The following MAP3K14 variants were observed in gnomAD, a reference collection of about 807,000 sequenced individuals.
The protein encoded by MAP3K14 is mitogen-activated protein kinase kinase kinase 14.
MAP3K14 carries 16 observed loss-of-function variants against 99.2 expected under a neutral mutation model. The ratio of observed to expected loss-of-function variants is 0.16; its 90% CI spans 0.11 to 0.24. MAP3K14 has a LOEUF of 0.24. Among genes scored for constraint, MAP3K14 ranks in the 10% least tolerant of loss-of-function variants. The pLI is 1.00. For synonymous variants in MAP3K14, 462 were observed against 492.4 expected (o/e 0.94, Z 0.82); for missense variants, 784 against 1,208.7 (o/e 0.65, Z 5.21).
At chr17:45,300,602 C>T (rs1029142086) in intron 1 of MAP3K14, among the ~76,000 whole-genome samples, 2 of 152,168 alleles carry the variant, frequency 1.3e-5, no homozygotes, top group Admixed American at 6.5e-5. Context: ...AAGGCTCAGC[C>T]TCTACCCAGG....
In MAP3K14 at chr17:45,271,078, G is replaced by A; in HGVS notation, c.1801C>T (p.Arg601Ter). Reference sequence around the variant, plus strand: ...CCGACCTTGAGGCAGAGCGGCCCTCGGAAGAACTGAGTCCAGGGGTGGCAG... The same window carrying A: ...CCGACCTTGAGGCAGAGCGGCCCTCAGAAGAACTGAGTCCAGGGGTGGCAG... ...NGCHPWTQFFRGPLCLKIASE... is the reference protein window; with the variant it reads ...NGCHPWTQFF The change falls in exon 10 of 16, where the codon CGA (arginine) becomes TGA (stop). Residue 601 changes from arginine to a stop codon, truncating the protein, a stop_gained. Coordinates refer to ENST00000344686, the MANE Select transcript of MAP3K14 (RefSeq NM_003954.5). LOFTEE classifies it high-confidence loss of function. The A allele has an allele frequency of 6.2e-7, 1 of 1,613,064 alleles. No homozygotes were observed. Among genetic ancestry groups the A allele is most frequent in the Non-Finnish European group, 8.5e-7 (1 of 1,179,748 alleles).
rs539846304 is a variant in MAP3K14, at chr17:45,272,240, C to T, written c.1658-1019G>A. Among the ~76,000 whole-genome samples the T allele has an allele frequency of 3.9e-5, 6 of 152,038 alleles. No individual in the cohort carries two copies. Among genetic ancestry groups the T allele is most frequent in the East Asian group, 3.9e-4 (2 of 5,152 alleles). ...ACTCAGGAGGCTGAGGTGGGAGGAT[C>T]GCTTGAACCAAGGAGCTTGAGGCTG... On this transcript the variant is annotated intron_variant, in intron 9 of 15. Transcript: ENST00000344686. This position sits in a 1 kb window ranked among gnomAD's most constrained non-coding sequence, Gnocchi z 4.1.
Position 45,267,941 on chromosome 17 carries a change from C to T in MAP3K14, c.1973-182G>A. The T allele has an allele frequency of 3.6e-6, 2 of 555,912 alleles. No homozygotes were observed. The highest frequency in any genetic ancestry group is 3.1e-6 in the Non-Finnish European group (1 of 320,600). The allele number at this position is 555,912 out of a possible 1,614,324, so 34.4% of individuals were successfully genotyped here. A position where few individuals can be genotyped will look rare whatever the true frequency, so the allele number is the denominator to read the frequency against. The stretch of plus-strand genomic sequence containing the variant: ...TGGTGGTCTCCACAGGAGACTTCCT[C>T]AATAAAATGGTCCCAATATGACAGG... On this transcript the variant is annotated intron_variant, in intron 11 of 15. Transcript: ENST00000344686. The surrounding 1 kb of genome is among the most constrained non-coding windows in gnomAD (Gnocchi z 5.1).
chr17:45,286,885 A>C lies in MAP3K14; in HGVS notation c.698T>G (p.Leu233Trp). 2.5e-6 allele frequency: 4 copies of C among 1,614,026 alleles called. No individual in the cohort carries two copies. Among genetic ancestry groups the C allele is most frequent in the Non-Finnish European group, 3.4e-6 (4 of 1,179,890 alleles). Residue 233 changes from leucine (L) to tryptophan (W), a missense_variant, in exon 5 of 16, where the codon TTG becomes TGG. Around this residue, in one of 5 missense-constraint regions of MAP3K14, gnomAD observed 188 missense variants for 313.0 expected, o/e 0.60. Coordinates refer to ENST00000344686, the MANE Select transcript of MAP3K14 (RefSeq NM_003954.5). This position sits in a 1 kb window ranked among gnomAD's most constrained non-coding sequence, Gnocchi z 4.1. ...TTTCCACACGTGGTTCAGACATTGC[A>C]AGGGGCTGATCAGTTTGTGGAGTTC... ...RSELHKLISP[L>W]QCLNHVWKLH...
chr17:45,267,207 A>G lies in MAP3K14; in HGVS notation c.2327-9T>C. On this transcript the variant is annotated splice_polypyrimidine_tract_variant and intron_variant, in intron 12 of 15. Coordinates refer to ENST00000344686, the MANE Select transcript of MAP3K14 (RefSeq NM_003954.5). The surrounding 1 kb of genome is among the most constrained non-coding windows in gnomAD (Gnocchi z 5.1). Reference sequence around the variant, plus strand: ...GCTGTTGAGGAATAATTCTGCAGGGAAAAGTGGAAGATGGCTGTGAAAGAC... The same window carrying G: ...GCTGTTGAGGAATAATTCTGCAGGGGAAAGTGGAAGATGGCTGTGAAAGAC... The G allele has an allele frequency of 1.3e-6, 2 of 1,568,164 alleles. No individual in the cohort carries two copies. Among genetic ancestry groups the G allele is most frequent in the East Asian group, 2.3e-5 (1 of 43,070 alleles).
intron 3 of MAP3K14, 103 bp downstream of exon 3, chr17:45,289,133 G>A (rs1454377893): frequency 2.1e-6 from 2 of 949,584 alleles, no homozygotes; most frequent in East Asian, 2.6e-5. Context: ...AGGTGCTGAG[G>A]GAGGGAGCCC....
intron 6 of MAP3K14, 136 bp from the exon 7 acceptor site, chr17:45,274,729 C>T (rs2044166065): frequency 4.8e-6 from 5 of 1,037,618 alleles, no homozygotes; most frequent in South Asian, 1.7e-5. Flanking sequence ...GCCTGGGGGG[C>T]CTGCTGGACC....
At chr17:45,269,153 C>T (rs766642445) in intron 11 of MAP3K14, among the ~76,000 whole-genome samples, 5 of 152,030 alleles carry the variant, frequency 3.3e-5, no homozygotes, top group East Asian at 1.9e-4. Flanking sequence ...TAGGACTACA[C>T]GCATGTGCCA....
intron 1 of MAP3K14, among the ~76,000 whole-genome samples, chr17:45,292,847 A>G (rs1188755560): frequency 1.3e-5 from 2 of 152,192 alleles, no homozygotes; most frequent in Non-Finnish European, 2.9e-5. Flanking sequence ...CCTCATTTCT[A>G]TTTGAAGAAG....
At chr17:45,282,974 A>G (rs1226833148) in intron 6 of MAP3K14, among the ~76,000 whole-genome samples, 1 of 152,234 alleles carries the variant, frequency 6.6e-6, no homozygotes, top group African/African-American at 2.4e-5. Flanking sequence ...TGTGAGTGGC[A>G]GCTCTGGTGG....
intron 1 of MAP3K14, among the ~76,000 whole-genome samples, chr17:45,309,451 CCT>C (rs1283872957): frequency 1.3e-5 from 2 of 152,230 alleles, no homozygotes; most frequent in East Asian, 1.9e-4. Flanking sequence ...CCAGCTTACC[CCT>C]GTCTTGGTGA....
intron 1 of MAP3K14, among the ~76,000 whole-genome samples, chr17:45,291,296 CTGTGTGTGTG>C (rs10578692): frequency 6.7e-6 from 1 of 149,844 alleles, no homozygotes; most frequent in Non-Finnish European, 1.5e-5. Context: ...AGGTAGATAT[CTGTGTGTGTG>C]TGTGTGTGTG....
At position 45,284,967 on chromosome 17, in the gene MAP3K14, G is replaced by A. The variant is rs2044252443; in HGVS notation, c.1153-18C>T. ...TTGAGTTTCTGGGGTTGGCAGGAGA[G>A]AGAGGACAGTTTCAGTGGCCAGGGC... On this transcript the variant is annotated intron_variant, in intron 5 of 15. Coordinates refer to ENST00000344686, the MANE Select transcript of MAP3K14 (RefSeq NM_003954.5). The A allele has an allele frequency of 1.3e-6, 2 of 1,550,722 alleles. No homozygotes were observed. Among genetic ancestry groups the A allele is most frequent in the East Asian group, 2.4e-5 (1 of 40,864 alleles).
At chr17:45,288,412 T>C (rs1365956955) in intron 3 of MAP3K14, among the ~76,000 whole-genome samples, 2 of 144,910 alleles carry the variant, frequency 1.4e-5, no homozygotes, top group African/African-American at 2.6e-5. Flanking sequence ...AGAATCTTAC[T>C]CTGTCACCAG....
In MAP3K14 at chr17:45,274,395, A is replaced by T; in HGVS notation, c.1420+69T>A. ...ATGGATAGATCAGTGACCAAGGCCA[A>T]CTTGGGCAAGACTCAGGGGGGAACT... On this transcript the variant is annotated intron_variant, in intron 7 of 15. Transcript: ENST00000344686. 3 of 1,599,700 alleles carry T rather than the reference A, an allele frequency of 1.9e-6. No homozygotes were observed. The East Asian group carries it at 6.7e-5, about 36-fold the overall frequency.
At chr17:45,290,467 C>T (rs373233973) in intron 2 of MAP3K14, 23 bp downstream of exon 2, 145 of 1,612,644 alleles carry the variant, frequency 9.0e-5, no homozygotes, top group Non-Finnish European at 1.2e-4. Context: ...TGCCCCGTGC[C>T]CACAACAACC....
At chr17:45,302,438 GC>G (rs1171535527) in intron 1 of MAP3K14, among the ~76,000 whole-genome samples, 2 of 152,166 alleles carry the variant, frequency 1.3e-5, no homozygotes, top group Non-Finnish European at 2.9e-5. Flanking sequence ...CTCCTGAGCA[GC>G]TGGGATTACA....
rs755169552 is a variant in MAP3K14, at chr17:45,267,636, C to G, written c.2096G>C (p.Gly699Ala). 3.2e-5 allele frequency: 51 copies of G among 1,613,446 alleles called. No homozygotes were observed. The highest frequency in any genetic ancestry group is 4.1e-5 in the Non-Finnish European group (48 of 1,179,792). Reference protein sequence around the residue: ...QPRELSPRAPGPRPAEETTGR... With the variant: ...QPRELSPRAPAPRPAEETTGR... ...TGTTGTCTCCTCAGCTGGCCGGGGCCCTGGGGCCCTTGGCGAAAGCTCTCT... is the reference window on the plus strand; with the variant it reads ...TGTTGTCTCCTCAGCTGGCCGGGGCGCTGGGGCCCTTGGCGAAAGCTCTCT... The change falls in exon 12 of 16, where the codon GGG (glycine) becomes GCG (alanine). Residue 699 changes from glycine (G) to alanine (A), a missense_variant. Gly to Ala is a moderately conservative substitution (Grantham distance 60). Around this residue, in one of 5 missense-constraint regions of MAP3K14, gnomAD observed 128 missense variants for 143.3 expected, o/e 0.89. Coordinates refer to ENST00000344686, the MANE Select transcript of MAP3K14 (RefSeq NM_003954.5). This position sits in a 1 kb window ranked among gnomAD's most constrained non-coding sequence, Gnocchi z 5.1.
At chr17:45,265,343 A>G in intron 14 of MAP3K14, 80 bp from the exon 15 acceptor site, 1 of 918,836 alleles carries the variant, frequency 1.1e-6, no homozygotes, top group Non-Finnish European at 1.8e-6. Context: ...GGCTGGGGGA[A>G]CGTTTTTGTT....
Sources: allele counts gnomAD v4.1 joint callset (sites outside exome capture counted in the v4.1 genomes callset), GRCh38; gene constraint gnomAD v4.1.1; regional missense constraint gnomAD v4.1.1; non-coding constraint Gnocchi (gnomAD v3.1); transcripts MANE v1.5; gene names NCBI Gene and HGNC (gene_info 2026-07-23, HGNC 2026-07-21).